Variants in DIAPH2 observed in about 807,000 individuals in gnomAD.
DIAPH2 encodes the protein protein diaphanous homolog 2.
In DIAPH2, 35 loss-of-function variants were observed where a neutral mutation model predicts 92.7. The observed-to-expected ratio is 0.38, with a 90% CI of 0.29 to 0.50. The LOEUF (loss-of-function observed/expected upper bound fraction) is 0.50. Ranked by LOEUF, DIAPH2 falls within the 20% of genes least tolerant of loss-of-function variation. The probability of loss-of-function intolerance (pLI) is 0.94; values close to 1 mark genes in which losing one functional copy is unlikely to be tolerated. For synonymous variants in DIAPH2, 301 were observed against 280.4 expected (o/e 1.07, Z -0.73); for missense variants, 701 against 819.5 (o/e 0.86, Z 1.77).
chrX:97,090,487 C>T (rs1169161220), intron 19 of DIAPH2, among the ~76,000 whole-genome samples: 1 of 109,319 alleles, frequency 9.1e-6, no homozygotes, highest in Non-Finnish European at 1.9e-5. Context: ...TCTTTCTACA[C>T]TCAGTTGATG....
intron 23 of DIAPH2, among the ~76,000 whole-genome samples, chrX:97,332,217 A>G (rs2069007937): frequency 8.9e-6 from 1 of 112,036 alleles, no homozygotes; most frequent in African/African-American, 3.2e-5. Flanking sequence ...TATAGAATCT[A>G]GCATTATACA....
At chrX:96,840,920 A>C (rs1363498197) in intron 4 of DIAPH2, among the ~76,000 whole-genome samples, 1 of 111,823 alleles carries the variant, frequency 8.9e-6, no homozygotes, top group East Asian at 2.8e-4. Context: ...GCCCATTTTG[A>C]GATGTTAATC....
chrX:96,860,631 A>G (rs1282298817), intron 4 of DIAPH2, among the ~76,000 whole-genome samples: 1 of 111,690 alleles, frequency 9.0e-6, no homozygotes, highest in Non-Finnish European at 1.9e-5. Context: ...AGAAGAAAAA[A>G]GTATTTATTT....
At chrX:97,212,399 A>T (rs1400252938) in intron 22 of DIAPH2, among the ~76,000 whole-genome samples, 2 of 110,867 alleles carry the variant, frequency 1.8e-5, no homozygotes. Flanking sequence ...GATATGTTAG[A>T]ACCTTTCGGT....
chrX:97,192,163 A>G lies in DIAPH2; in HGVS notation c.2719+50369A>G, dbSNP rs1484197866. 1.8e-5 allele frequency among the ~76,000 whole-genome samples: 2 copies of G among 108,405 alleles called. 1 individual carries two copies. The highest frequency in any genetic ancestry group is 2.0e-4 in the Admixed American group (2 of 10,096). The allele number at this position is 108,405 out of a possible 115,157, so 94.1% of individuals were successfully genotyped here. A position where few individuals can be genotyped will look rare whatever the true frequency, so the allele number is the denominator to read the frequency against. On this transcript the variant is annotated intron_variant, in intron 22 of 26. Transcript: ENST00000324765. Reference sequence around the variant, plus strand: ...AAATTACCTGGGCATGGTGGCTCGCACCTGTAGGTGCTCGCAGCTACTTGG... The same window carrying G: ...AAATTACCTGGGCATGGTGGCTCGCGCCTGTAGGTGCTCGCAGCTACTTGG...
At chrX:97,547,403 G>A (rs1398521830) in intron 26 of DIAPH2, among the ~76,000 whole-genome samples, 3 of 112,112 alleles carry the variant, frequency 2.7e-5, no homozygotes, top group Non-Finnish European at 5.6e-5. Context: ...ATGTCAACAA[G>A]CAGAATAAGA....
intron 26 of DIAPH2, among the ~76,000 whole-genome samples, chrX:97,503,525 C>T (rs1024483827): frequency 4.5e-5 from 5 of 111,827 alleles, no homozygotes; most frequent in East Asian, 2.8e-4. Context: ...AGCAAACTAA[C>T]GACAGTTGGG....
At chrX:97,379,379 T>G (rs2147728037) in intron 24 of DIAPH2, among the ~76,000 whole-genome samples, 1 of 112,384 alleles carries the variant, frequency 8.9e-6, no homozygotes, top group Non-Finnish European at 1.9e-5. Flanking sequence ...TTTTAAATGA[T>G]TCTGTTATAC....
intron 23 of DIAPH2, among the ~76,000 whole-genome samples, chrX:97,254,514 AG>A (rs1432009425): frequency 1.4e-3 from 148 of 103,711 alleles, no homozygotes; most frequent in Non-Finnish European, 2.3e-3. Context: ...AAAAAAAAAA[AG>A]GACTCAGAGG....
intron 23 of DIAPH2, among the ~76,000 whole-genome samples, chrX:97,274,020 TG>T (rs2068414403): frequency 6.7e-5 from 7 of 104,491 alleles, no homozygotes; most frequent in Non-Finnish European, 1.4e-4. Flanking sequence ...TGTGTGTGTG[TG>T]TGTGTGTGTG....
intron 22 of DIAPH2, among the ~76,000 whole-genome samples, chrX:97,173,140 C>T (rs770240935): frequency 2.7e-5 from 3 of 112,501 alleles, no homozygotes; most frequent in Non-Finnish European, 3.7e-5. Flanking sequence ...GGGGCTTATG[C>T]CTATAATCCC....
rs771638425 is a variant in DIAPH2 at position 96,874,066 on chromosome X, C to G, written c.448-7513C>G. Among the ~76,000 whole-genome samples, 213 of 111,650 alleles carry G rather than the reference C, an allele frequency of 1.9e-3. 3 individuals carry two copies. The highest frequency in any genetic ancestry group is 6.7e-3 in the African/African-American group (207 of 30,794). On this transcript the variant is annotated intron_variant, in intron 4 of 26. Transcript: ENST00000324765. ...CACAAGTGCACTATGTGTGGTATAA[C>G]AGGAAAATAAATGTGACTTGGTGAC...
At chrX:97,205,512 A>G (rs773426682) in intron 22 of DIAPH2, among the ~76,000 whole-genome samples, 2 of 112,186 alleles carry the variant, frequency 1.8e-5, no homozygotes, top group Non-Finnish European at 1.9e-5. Context: ...AAAGGATATG[A>G]ACAGACCTTT....
chrX:97,275,533 C>T (rs1313413863), intron 23 of DIAPH2, among the ~76,000 whole-genome samples: 78 of 100,182 alleles, frequency 7.8e-4, no homozygotes, highest in Middle Eastern at 6.9e-3. Context: ...GGGCGGCTGC[C>T]GGGCGGAGGG....
chrX:97,135,586 C>T (rs1053055044), intron 21 of DIAPH2, among the ~76,000 whole-genome samples: 1 of 111,056 alleles, frequency 9.0e-6, no homozygotes, highest in Non-Finnish European at 1.9e-5. Flanking sequence ...TCCCTTTCCA[C>T]ACGCATACCA....
chrX:96,854,180 C>T (rs1190559329), intron 4 of DIAPH2, among the ~76,000 whole-genome samples: 3 of 110,308 alleles, frequency 2.7e-5, no homozygotes, highest in East Asian at 2.8e-4. Context: ...TATTTTACAT[C>T]GCAATGGAAA....
chrX:97,469,208 G>A (rs2070540775), intron 26 of DIAPH2, among the ~76,000 whole-genome samples: 2 of 111,725 alleles, frequency 1.8e-5, no homozygotes, highest in African/African-American at 6.5e-5. Context: ...TGACCAAAAT[G>A]TTGATTTCCT....
intron 23 of DIAPH2, among the ~76,000 whole-genome samples, chrX:97,344,354 G>A (rs1015645664): frequency 8.0e-5 from 9 of 112,205 alleles, no homozygotes; most frequent in African/African-American, 2.9e-4. Flanking sequence ...AGGCTGCAGT[G>A]AGCTATGATT....
chrX:97,438,733 T>C (rs1374440131), intron 26 of DIAPH2, among the ~76,000 whole-genome samples: 1 of 110,479 alleles, frequency 9.1e-6, no homozygotes, highest in Admixed American at 9.7e-5. Context: ...CCTTGAATGC[T>C]GAGATTTGAG....
Sources: allele counts gnomAD v4.1 joint callset (sites outside exome capture counted in the v4.1 genomes callset), GRCh38; gene constraint gnomAD v4.1.1; transcripts MANE v1.5; gene names NCBI Gene and HGNC (gene_info 2026-07-23, HGNC 2026-07-21).